The following CCSAP variants were observed in gnomAD, a reference collection of about 807,000 sequenced individuals.
The protein encoded by CCSAP is centriole, cilia and spindle associated protein, also known as centriole, cilia and spindle-associated protein.
Under a neutral mutation model 25.9 loss-of-function variants are expected in CCSAP, and 17 were observed. That is an observed-to-expected ratio of 0.66 (90% CI 0.45 to 0.99). The LOEUF (loss-of-function observed/expected upper bound fraction) is 0.99. Among genes scored for constraint, CCSAP ranks in the 50% least tolerant of loss-of-function variants. The probability of loss-of-function intolerance (pLI) is 0.00; values close to 1 mark genes in which losing one functional copy is unlikely to be tolerated. For synonymous variants in CCSAP, 169 were observed against 157.1 expected (o/e 1.08, Z -0.57); for missense variants, 339 against 367.8 (o/e 0.92, Z 0.64).
At chr1:229,329,887 A>T (rs1658029689) in intron 2 of CCSAP, among the ~76,000 whole-genome samples, 1 of 152,216 alleles carries the variant, frequency 6.6e-6, no homozygotes, top group Non-Finnish European at 1.5e-5. Flanking sequence ...CCTATTTGGT[A>T]GGCTGAGGCA....
chr1:229,337,908 C>T (rs969784564), intron 2 of CCSAP, among the ~76,000 whole-genome samples: 3 of 150,906 alleles, frequency 2.0e-5, no homozygotes, highest in African/African-American at 4.9e-5. Context: ...TTTTAATAAA[C>T]CTATTACTGG....
chr1:229,341,188 C>T (rs1294463311), intron 2 of CCSAP, among the ~76,000 whole-genome samples: 5 of 69,914 alleles, frequency 7.2e-5, no homozygotes, highest in African/African-American at 1.7e-4. Context: ...AGCGAGACTC[C>T]GTCTCAAAAA....
chr1:229,325,518 A>G (rs1305642889), intron 3 of CCSAP, 107 bp from the exon 4 acceptor site: 8 of 981,038 alleles, frequency 8.2e-6, no homozygotes, highest in East Asian at 5.0e-5. Context: ...GCAGCAGGGC[A>G]GAGTCAAGCC....
In CCSAP at chr1:229,333,336, G is replaced by T. The variant is rs570759107; in HGVS notation, c.368-6330C>A. ...TAGTCCCAGCTACTCCGGAGGCAGA[G>T]GCAGGAGAATGGCGTGAACCCGGGA... On this transcript the variant is annotated intron_variant, in intron 2 of 3. Coordinates refer to ENST00000284617, the MANE Select transcript of CCSAP (RefSeq NM_145257.5). 5.7e-4 allele frequency among the ~76,000 whole-genome samples: 86 copies of T among 150,474 alleles called. 1 individual carries two copies. Among genetic ancestry groups the T allele is most frequent in the African/African-American group, 1.9e-3 (79 of 41,076 alleles).
At chr1:229,328,375 A>G (rs533986275) in intron 2 of CCSAP, among the ~76,000 whole-genome samples, 130 of 152,192 alleles carry the variant, frequency 8.5e-4, no homozygotes, top group African/African-American at 3.0e-3. Context: ...ATCATGGCTT[A>G]TTGCAGCCTC....
intron 2 of CCSAP, among the ~76,000 whole-genome samples, chr1:229,331,791 TTATTATTATTA>T (rs1658073852): frequency 3.9e-5 from 3 of 76,328 alleles, no homozygotes; most frequent in Non-Finnish European, 8.5e-5. Flanking sequence ...TATCCTTTTA[TTATTATTATTA>T]TTATTATTAT....
At chr1:229,333,369 C>CT (rs1470179164) in intron 2 of CCSAP, among the ~76,000 whole-genome samples, 1 of 141,538 alleles carries the variant, frequency 7.1e-6, no homozygotes, top group Non-Finnish European at 1.5e-5. Flanking sequence ...GGAGGCGGAG[C>CT]TTGCAGTGAG....
chr1:229,325,224 C>T lies in CCSAP; in HGVS notation c.*11G>A. ...CACTTTTTAAAAGAGGCTGTCCACG[C>T]AAGTGTTTCTTTAAGCTCTTGCCGA... On this transcript the variant is annotated 3_prime_UTR_variant, in exon 4 of 4. Transcript: ENST00000284617. 1 of 1,583,406 alleles carries T rather than the reference C, an allele frequency of 6.3e-7. No homozygotes were observed. Among genetic ancestry groups the T allele is most frequent in the Middle Eastern group, 1.7e-4 (1 of 5,940 alleles).
chr1:229,327,927 C>A (rs975003126), intron 2 of CCSAP, among the ~76,000 whole-genome samples: 1 of 150,920 alleles, frequency 6.6e-6, no homozygotes, highest in African/African-American at 2.4e-5. Context: ...ACACTTGCAA[C>A]GGAAATTACC....
intron 2 of CCSAP, among the ~76,000 whole-genome samples, chr1:229,331,643 G>A (rs1431959183): frequency 6.6e-6 from 1 of 151,960 alleles, no homozygotes; most frequent in African/African-American, 2.4e-5. Flanking sequence ...CTGCCACTAG[G>A]CAGGACTCTA....
chr1:229,328,825 G>T (rs1658004711), intron 2 of CCSAP, among the ~76,000 whole-genome samples: 1 of 152,200 alleles, frequency 6.6e-6, no homozygotes, highest in Non-Finnish European at 1.5e-5. Context: ...TGATGACCTT[G>T]ACTCTAGCAA....
rs1302694694 is a variant in CCSAP at position 229,323,943 on chromosome 1, C to G, written c.*1292G>C. On this transcript the variant is annotated 3_prime_UTR_variant, in exon 4 of 4. Transcript: ENST00000284617. ...TATAAGGAACTTAGCACATATCCTT[C>G]TAGCAGATTCTTGTCTCCACAGGAT... 1 of 152,520 alleles carries G rather than the reference C, an allele frequency of 6.6e-6. No homozygotes were observed. The highest frequency in any genetic ancestry group is 2.4e-5 in the African/African-American group (1 of 41,458). The allele number at this position is 152,520 out of a possible 1,614,324, so 9.4% of individuals were successfully genotyped here.
At chr1:229,328,194 G>C (rs1300429419) in intron 2 of CCSAP, among the ~76,000 whole-genome samples, 1 of 152,216 alleles carries the variant, frequency 6.6e-6, no homozygotes, top group African/African-American at 2.4e-5. Context: ...TGAAGTAAGA[G>C]TTCGTGACGG....
chr1:229,334,532 C>G (rs551440646), intron 2 of CCSAP, among the ~76,000 whole-genome samples: 1 of 151,896 alleles, frequency 6.6e-6, no homozygotes, highest in South Asian at 2.1e-4. Flanking sequence ...TGATAAGCAT[C>G]CATCTCAAAA....
At position 229,335,924 on chromosome 1, in the gene CCSAP, AAAAT is replaced by A. The variant is rs1420165728; in HGVS notation, c.367+6171_367+6174del. ...AACCATGAATTGAAAATATTCGGGAAAAATAAATAAAAAATAATACAACAATAAA... is the reference window on the plus strand; with the variant it reads ...AACCATGAATTGAAAATATTCGGGAAAAATAAAAAATAATACAACAATAAA... On this transcript the variant is annotated intron_variant, in intron 2 of 3. Coordinates refer to ENST00000284617, the MANE Select transcript of CCSAP (RefSeq NM_145257.5). Among the ~76,000 whole-genome samples the A allele has an allele frequency of 6.6e-5, 10 of 152,298 alleles. No individual in the cohort carries two copies. The South Asian group carries it at 8.3e-4, about 13-fold the overall frequency.
Position 229,331,787 on chromosome 1 carries a change from TTTATTATTATTATTATTA to T in CCSAP, c.368-4799_368-4782del, listed in dbSNP as rs139107975. Among the ~76,000 whole-genome samples the T allele has an allele frequency of 5.9e-3, 827 of 140,632 alleles. 6 individuals are homozygous for T. The highest frequency in any genetic ancestry group is 0.021 in the African/African-American group (785 of 38,146). 92.3% of individuals were successfully genotyped at this position (140,632 alleles called of 152,430 possible). A position where few individuals can be genotyped will look rare whatever the true frequency, so the allele number is the denominator to read the frequency against. The stretch of plus-strand genomic sequence containing the variant: ...TCATCTGTGTCCTTTCTAATATCCT[TTTATTATTATTATTATTA>T]TTATTATTATTATTATTATTATTAT... On this transcript the variant is annotated intron_variant, in intron 2 of 3. Transcript: ENST00000284617.
chr1:229,328,364 G>A (rs187599925), intron 2 of CCSAP, among the ~76,000 whole-genome samples: 112 of 152,186 alleles, frequency 7.4e-4, no homozygotes, highest in African/African-American at 2.4e-3. Context: ...GCAGTGGTGC[G>A]ATCATGGCTT....
At chr1:229,339,536 G>A (rs1658281434) in intron 2 of CCSAP, among the ~76,000 whole-genome samples, 1 of 152,038 alleles carries the variant, frequency 6.6e-6, no homozygotes, top group Non-Finnish European at 1.5e-5. Context: ...GGTAAACCAA[G>A]AAAGAAAATG....
chr1:229,337,694 T>TATATAC (rs1658225638), intron 2 of CCSAP, among the ~76,000 whole-genome samples: 1 of 56,324 alleles, frequency 1.8e-5, no homozygotes, highest in Non-Finnish European at 3.8e-5. Flanking sequence ...TATATATATA[T>TATATAC]ATATACACAT....
Sources: gnomAD v4.1 joint callset for allele counts (sites outside exome capture counted in the v4.1 genomes callset) on GRCh38, gnomAD v4.1.1 for gene constraint, MANE v1.5 for transcripts, NCBI Gene and HGNC (gene_info 2026-07-23, HGNC 2026-07-21) for gene names.